Variants in KCNC2 observed in about 807,000 individuals in gnomAD.
KCNC2 encodes the protein potassium voltage-gated channel subfamily C member 2, also known as voltage-gated potassium channel KCNC2.
KCNC2 carries 21 observed loss-of-function variants against 44.5 expected under a neutral mutation model. The observed-to-expected ratio is 0.47, with a 90% confidence interval of 0.33 to 0.68. KCNC2 has a LOEUF of 0.68. Among genes scored for constraint, KCNC2 ranks in the 30% least tolerant of loss-of-function variants. The pLI is 0.01. For synonymous variants in KCNC2, 391 were observed against 339.1 expected, an observed-to-expected ratio of 1.15 and a Z score of -1.68; for missense variants, 589 against 826.2, an observed-to-expected ratio of 0.71 and a Z score of 3.52.
chr12:75,207,958 C>G lies in KCNC2; in HGVS notation c.26G>C (p.Arg9Thr). The G allele has an allele frequency of 6.2e-7, 1 of 1,612,682 alleles. No homozygotes were observed. Among genetic ancestry groups the G allele is most frequent in the South Asian group, 1.1e-5 (1 of 90,998 alleles). Residue 9 changes from arginine to threonine, a missense_variant, in exon 2 of 5, where the codon AGG becomes ACG. Transcript: ENST00000549446. This position sits in a 1 kb window ranked among gnomAD's most constrained non-coding sequence, Gnocchi z 4.1. MGKIENNE[R>T]VILNVGGTRH... is the part of the protein sequence containing the mutation. ...GGTGCCCCCGACATTGAGGATCACC[C>G]TCTCGTTGTTCTCGATCTTGCCCAT...
intron 2 of KCNC2, among the ~76,000 whole-genome samples, chr12:75,206,450 G>C (rs1447459938): frequency 6.6e-6 from 1 of 152,134 alleles, no homozygotes; most frequent in Non-Finnish European, 1.5e-5. Context: ...GATTAAAGTT[G>C]AGCTGTCATT....
intron 2 of KCNC2, among the ~76,000 whole-genome samples, chr12:75,128,566 T>A (rs1888605697): frequency 6.6e-6 from 1 of 152,120 alleles, no homozygotes; most frequent in Admixed American, 6.6e-5. Context: ...TTTTAGATTT[T>A]TACATTTATA....
chr12:75,076,033 TTACA>T (rs1194680956), intron 2 of KCNC2, among the ~76,000 whole-genome samples: 6 of 110,974 alleles, frequency 5.4e-5, no homozygotes, highest in Non-Finnish European at 7.3e-5. Context: ...CTTATTAATG[TTACA>T]TACACACACA....
At chr12:75,164,294 A>C (rs1200802356) in intron 2 of KCNC2, among the ~76,000 whole-genome samples, 2 of 151,636 alleles carry the variant, frequency 1.3e-5, no homozygotes, top group African/African-American at 4.8e-5. Flanking sequence ...AACACACCCT[A>C]ACCTAAAATT....
At chr12:75,206,107 A>C (rs2031666190) in intron 2 of KCNC2, among the ~76,000 whole-genome samples, 1 of 152,184 alleles carries the variant, frequency 6.6e-6, no homozygotes, top group South Asian at 2.1e-4. Flanking sequence ...TCTTCTGACA[A>C]ATTAGTAGAT....
At chr12:75,201,528 G>A (rs1452635260) in intron 2 of KCNC2, among the ~76,000 whole-genome samples, 1 of 151,836 alleles carries the variant, frequency 6.6e-6, no homozygotes, top group Non-Finnish European at 1.5e-5. Context: ...GGAAGATGAA[G>A]TAAATTCTCC....
At chr12:75,199,346 A>AGT (rs2031044844) in intron 2 of KCNC2, among the ~76,000 whole-genome samples, 1 of 151,786 alleles carries the variant, frequency 6.6e-6, no homozygotes, top group African/African-American at 2.4e-5. Context: ...GGACACATAA[A>AGT]ACAATGAGGA....
Position 75,042,369 on chromosome 12 carries a change from A to T in KCNC2, c.*736T>A, listed in dbSNP as rs1306301170. The T allele has an allele frequency of 6.2e-7, 1 of 1,611,384 alleles. No homozygotes were observed. The highest frequency in any genetic ancestry group is 8.5e-7 in the Non-Finnish European group (1 of 1,178,268). On this transcript the variant is annotated 3_prime_UTR_variant, in exon 5 of 5. Transcript: ENST00000549446. ...TAACCAGTAATGACAACCTCTTTGC[A>T]GTTATCTGTGTGCAAACAACCAGAG...
chr12:75,105,911 C>A (rs909096839), intron 2 of KCNC2, among the ~76,000 whole-genome samples: 5 of 145,718 alleles, frequency 3.4e-5, no homozygotes, highest in African/African-American at 1.3e-4. Context: ...AGATAAATTT[C>A]TTTCTTTTTT....
At chr12:75,048,345 G>C (rs961668226) in intron 3 of KCNC2, 28 bp from the exon 4 acceptor site, 1 of 1,579,378 alleles carries the variant, frequency 6.3e-7, no homozygotes, top group Non-Finnish European at 8.6e-7. Context: ...CCCATTGACA[G>C]ACAGTGATGA....
intron 2 of KCNC2, among the ~76,000 whole-genome samples, chr12:75,179,857 T>C (rs1313152815): frequency 6.6e-6 from 1 of 151,690 alleles, no homozygotes; most frequent in Non-Finnish European, 1.5e-5. Flanking sequence ...TTTCTGCTAC[T>C]ATTTCACTGA....
intron 2 of KCNC2, among the ~76,000 whole-genome samples, chr12:75,199,857 A>G (rs1027284686): frequency 1.3e-5 from 2 of 151,904 alleles, no homozygotes; most frequent in African/African-American, 4.8e-5. Flanking sequence ...AAGGAAAAAT[A>G]GGTATCATTT....
intron 2 of KCNC2, among the ~76,000 whole-genome samples, chr12:75,166,595 A>G (rs1332007064): frequency 6.6e-6 from 1 of 151,388 alleles, no homozygotes; most frequent in Non-Finnish European, 1.5e-5. Flanking sequence ...TATAAGTATT[A>G]AAATTATACA....
intron 2 of KCNC2, among the ~76,000 whole-genome samples, chr12:75,093,328 A>T (rs1885647642): frequency 6.6e-6 from 1 of 151,538 alleles, no homozygotes; most frequent in Non-Finnish European, 1.5e-5. Flanking sequence ...GTTTAATTCC[A>T]CAAAAAGAAA....
At chr12:75,085,855 G>A (rs1031887067) in intron 2 of KCNC2, among the ~76,000 whole-genome samples, 2 of 151,852 alleles carry the variant, frequency 1.3e-5, no homozygotes, top group African/African-American at 4.8e-5. Context: ...AAGAAAATTA[G>A]GTAATTAAAG....
At chr12:75,157,339 T>C (rs1213216523) in intron 2 of KCNC2, among the ~76,000 whole-genome samples, 1 of 151,848 alleles carries the variant, frequency 6.6e-6, no homozygotes, top group Non-Finnish European at 1.5e-5. Flanking sequence ...TTTGTGGTTA[T>C]GAGGAAAAGG....
At chr12:75,184,474 G>A (rs529364518) in intron 2 of KCNC2, among the ~76,000 whole-genome samples, 1 of 152,158 alleles carries the variant, frequency 6.6e-6, no homozygotes, top group South Asian at 2.1e-4. Context: ...TATGCCTTCT[G>A]TGTGAAGTTG....
At chr12:75,136,917 C>T (rs1889272362) in intron 2 of KCNC2, among the ~76,000 whole-genome samples, 1 of 152,102 alleles carries the variant, frequency 6.6e-6, no homozygotes, top group African/African-American at 2.4e-5. Flanking sequence ...TTGCTTTACT[C>T]TGCATGTTCC....
At chr12:75,099,033 C>A (rs1023055660) in intron 2 of KCNC2, among the ~76,000 whole-genome samples, 1 of 152,096 alleles carries the variant, frequency 6.6e-6, no homozygotes, top group Non-Finnish European at 1.5e-5. Context: ...AAAATATCTT[C>A]TATTTTCTTT....
Sources: allele counts gnomAD v4.1 joint callset (sites outside exome capture counted in the v4.1 genomes callset), GRCh38; gene constraint gnomAD v4.1.1; non-coding constraint Gnocchi (gnomAD v3.1); transcripts MANE v1.5; gene names NCBI Gene and HGNC (gene_info 2026-07-23, HGNC 2026-07-21).